Variants in IQCE observed in about 807,000 individuals in gnomAD.
The protein encoded by IQCE is IQ domain-containing protein E.
IQCE carries 115 observed loss-of-function variants against 96.0 expected under a neutral mutation model. The ratio of observed to expected loss-of-function variants is 1.20; its 90% CI spans 1.03 to 1.40. The LOEUF is 1.40. IQCE is among the 40% of genes most tolerant of loss of function. IQCE has a pLI of 0.00. For missense variants in IQCE, 1,041 were observed against 909.1 expected, an observed-to-expected ratio of 1.15 and a Z score of -1.87; for synonymous variants, 412 against 371.2, an observed-to-expected ratio of 1.11 and a Z score of -1.26.
chr7:2,608,067 T>C (rs1046687167), intron 21 of IQCE, among the ~76,000 whole-genome samples: 1 of 152,166 alleles, frequency 6.6e-6, no homozygotes, highest in Non-Finnish European at 1.5e-5. Context: ...AAGAGGCTCT[T>C]CTGAGCCCAA....
intron 11 of IQCE, among the ~76,000 whole-genome samples, chr7:2,585,901 C>T (rs895326319): frequency 5.3e-5 from 8 of 152,170 alleles, no homozygotes; most frequent in Non-Finnish European, 1.0e-4. Context: ...AAGCACCTGG[C>T]GTAACAAGAT....
chr7:2,599,159 CTTTCT>C (rs1784268666), intron 17 of IQCE, among the ~76,000 whole-genome samples: 2 of 152,202 alleles, frequency 1.3e-5, no homozygotes, highest in African/African-American at 4.8e-5. Context: ...AGCCCCCACC[CTTTCT>C]TTTCTTTAAC....
In IQCE at chr7:2,607,203, C is replaced by T; in HGVS notation, c.1945C>T (p.Pro649Ser). 6.2e-7 allele frequency: 1 copy of T among 1,613,864 alleles called. No individual in the cohort carries two copies. The highest frequency in any genetic ancestry group is 1.1e-5 in the South Asian group (1 of 91,016). Reference protein sequence around the residue: ...ASATHGDASSPPFLAALPDPS... With the variant: ...ASATHGDASSSPFLAALPDPS... ...AGCCACACACGGGGACGCCTCCTCC[C>T]CACCCTTCCTCGCAGCTCTTCCTGG... Residue 649 changes from proline to serine, a missense_variant, in exon 21 of 22, where the codon CCA (proline) becomes TCA (serine). Transcript: ENST00000402050.
At chr7:2,560,385 T>C (rs1214220230) in intron 1 of IQCE, among the ~76,000 whole-genome samples, 2 of 152,212 alleles carry the variant, frequency 1.3e-5, no homozygotes, top group South Asian at 2.1e-4. Context: ...CTTTGGAAGG[T>C]TTCACATCAA....
chr7:2,577,773 CTGTG>C (rs1782280757), intron 6 of IQCE, among the ~76,000 whole-genome samples: 1 of 39,698 alleles, frequency 2.5e-5, no homozygotes, highest in African/African-American at 1.1e-4. Flanking sequence ...GCGCGGGGAC[CTGTG>C]TGCGGCGTAT....
intron 6 of IQCE, among the ~76,000 whole-genome samples, chr7:2,576,810 T>C (rs1270719734): frequency 1.3e-5 from 2 of 152,224 alleles, no homozygotes; most frequent in Non-Finnish European, 2.9e-5. Flanking sequence ...TAACTGAGGA[T>C]GAGCATTTGA....
At chr7:2,559,511 A>C in intron 1 of IQCE, 1 of 215,286 alleles carries the variant, frequency 4.6e-6, no homozygotes. Flanking sequence ...CAGGTGACGG[A>C]GCTCACGGTG....
intron 13 of IQCE, among the ~76,000 whole-genome samples, chr7:2,588,633 G>A (rs1486771031): frequency 1.4e-5 from 2 of 139,512 alleles, no homozygotes; most frequent in Non-Finnish European, 1.5e-5. Context: ...GATTACAGAC[G>A]TGAGCCACTG....
intron 3 of IQCE, among the ~76,000 whole-genome samples, chr7:2,570,407 T>G (rs1781678200): frequency 2.0e-5 from 3 of 151,818 alleles, no homozygotes; most frequent in African/African-American, 7.3e-5. Context: ...CTCATTTACT[T>G]GTATAAATGA....
At chr7:2,563,668 G>A (rs1781141467) in intron 1 of IQCE, among the ~76,000 whole-genome samples, 1 of 152,004 alleles carries the variant, frequency 6.6e-6, no homozygotes, top group African/African-American at 2.4e-5. Context: ...GCCGAGGCGG[G>A]CGGATCACGA....
chr7:2,596,100 G>T (rs1784016383), intron 16 of IQCE, among the ~76,000 whole-genome samples: 1 of 152,204 alleles, frequency 6.6e-6, no homozygotes, highest in Admixed American at 6.5e-5. Flanking sequence ...TGCTCTAAGA[G>T]GAGCTCATGG....
chr7:2,564,412 T>C (rs1257892140), intron 1 of IQCE, among the ~76,000 whole-genome samples: 1 of 151,810 alleles, frequency 6.6e-6, no homozygotes, highest in Admixed American at 6.6e-5. Context: ...CTGGCCAACA[T>C]AGTGAATATA....
In IQCE at chr7:2,571,320, C is replaced by G. The variant is rs10246253; in HGVS notation, c.131-206C>G. The G allele has an allele frequency of 5.2e-3, 3,055 of 584,342 alleles. 72 individuals are homozygous for G. Among genetic ancestry groups the G allele is most frequent in the African/African-American group, 0.051 (2,691 of 52,906 alleles). 36.2% of individuals were successfully genotyped at this position (584,342 alleles called of 1,614,324 possible). A position where few individuals can be genotyped will look rare whatever the true frequency, so the allele number is the denominator to read the frequency against. On this transcript the variant is annotated intron_variant, in intron 3 of 21. Transcript: ENST00000402050. ...AGGCATGAGCCACCATGCCTGGCCT[C>G]ATTATGCTATTTCTTTATAATAAAA...
intron 11 of IQCE, 97 bp from the exon 12 acceptor site, chr7:2,586,107 ACAAC>A (rs1429752403): frequency 8.7e-7 from 1 of 1,149,908 alleles, no homozygotes; most frequent in Non-Finnish European, 1.2e-6. Context: ...CTCTGAGCTC[ACAAC>A]CAACAGAGCA....
At chr7:2,599,116 G>A (rs1021655983) in intron 17 of IQCE, among the ~76,000 whole-genome samples, 13 of 152,100 alleles carry the variant, frequency 8.5e-5, no homozygotes, top group African/African-American at 2.9e-4. Context: ...CCTGGGGGTC[G>A]GTTGGTTACG....
At chr7:2,576,113 G>A (rs1217557643) in intron 6 of IQCE, among the ~76,000 whole-genome samples, 1 of 152,216 alleles carries the variant, frequency 6.6e-6, no homozygotes, top group Non-Finnish European at 1.5e-5. Flanking sequence ...TGCCAGCTGT[G>A]GATGTGGCTG....
intron 18 of IQCE, among the ~76,000 whole-genome samples, chr7:2,604,311 G>C (rs1273221562): frequency 6.6e-6 from 1 of 152,044 alleles, no homozygotes; most frequent in Non-Finnish European, 1.5e-5. Flanking sequence ...AGGTCTTGCT[G>C]TGTTGCCCGG....
intron 11 of IQCE, 26 bp from the exon 12 acceptor site, chr7:2,586,182 C>G (rs752969846): frequency 1.9e-6 from 3 of 1,604,128 alleles, no homozygotes; most frequent in Non-Finnish European, 1.7e-6. Context: ...CAATGCAAAC[C>G]TCAGTCCACG....
Position 2,610,063 on chromosome 7 carries a change from A to G in IQCE, c.1989A>G (p.Pro663=). 1 of 1,605,564 alleles carries G rather than the reference A, an allele frequency of 6.2e-7. No homozygotes were observed. Among genetic ancestry groups the G allele is most frequent in the Non-Finnish European group, 8.5e-7 (1 of 1,172,246 alleles). The change falls in exon 22 of 22, where the codon CCA becomes CCG. Residue 663 remains proline (P), a synonymous_variant. Transcript: ENST00000402050. The stretch of plus-strand genomic sequence containing the variant: ...CTGCAGACCCCTCTCCCTCAGGGCC[A>G]CAGGCCTTGGCACCTCTACCTGGGG... ...AALPDPSPSG[P]QALAPLPGDD...
Sources: allele counts gnomAD v4.1 joint callset (sites outside exome capture counted in the v4.1 genomes callset), GRCh38; gene constraint gnomAD v4.1.1; transcripts MANE v1.5; gene names NCBI Gene and HGNC (gene_info 2026-07-23, HGNC 2026-07-21).